The following LDLRAD4 variants were observed in gnomAD, a reference collection of about 807,000 sequenced individuals.
LDLRAD4 encodes the protein low density lipoprotein receptor class A domain containing 4.
A neutral mutation model predicts 17.0 loss-of-function variants in LDLRAD4; 5 were observed. The observed-to-expected ratio is 0.29, with a 90% CI of 0.15 to 0.62. LDLRAD4 has a LOEUF of 0.62. Ranked by LOEUF, LDLRAD4 falls within the 20% of genes least tolerant of loss-of-function variation. LDLRAD4 has a pLI of 0.84. For missense variants in LDLRAD4, 340 were observed against 424.7 expected, an observed-to-expected ratio of 0.80 and a Z score of 1.75; for synonymous variants, 168 against 171.8, an observed-to-expected ratio of 0.98 and a Z score of 0.17.
At chr18:13,223,205 C>T (rs76266457) in intron 1 of LDLRAD4, among the ~76,000 whole-genome samples, 11,016 of 152,072 alleles carry the variant, frequency 0.072, 568 homozygotes, top group East Asian at 0.16. Flanking sequence ...GACTGAGTGG[C>T]GTTAAGGTAG....
chr18:13,513,688 C>T (rs2093818164), intron 3 of LDLRAD4, among the ~76,000 whole-genome samples: 1 of 152,282 alleles, frequency 6.6e-6, no homozygotes, highest in African/African-American at 2.4e-5. Context: ...GGGCCCCAAG[C>T]CTTGGACCTA....
chr18:13,466,906 T>A (rs1308621960), intron 3 of LDLRAD4, among the ~76,000 whole-genome samples: 1 of 152,212 alleles, frequency 6.6e-6, no homozygotes, highest in African/African-American at 2.4e-5. Flanking sequence ...TTATGAGGGC[T>A]CCGCCCTCAT....
At chr18:13,513,434 G>A (rs942474095) in intron 3 of LDLRAD4, among the ~76,000 whole-genome samples, 1 of 152,128 alleles carries the variant, frequency 6.6e-6, no homozygotes, top group Non-Finnish European at 1.5e-5. Flanking sequence ...GACATTTTTT[G>A]GCCATACTTA....
At position 13,266,413 on chromosome 18, in the gene LDLRAD4, C is replaced by T. The variant is rs78703934; in HGVS notation, c.-466-11692C>T. 5.4e-3 allele frequency among the ~76,000 whole-genome samples: 819 copies of T among 152,294 alleles called. 18 individuals are homozygous for T. In the East Asian group the frequency reaches 0.094, roughly 18 times the overall value. Reference sequence around the variant, plus strand: ...GGCCAGATGTGGGCAGGAGCAGTCTCGGGGACAACAGACACAGCCCGCTGA... The same window carrying T: ...GGCCAGATGTGGGCAGGAGCAGTCTTGGGGACAACAGACACAGCCCGCTGA... On this transcript the variant is annotated intron_variant, in intron 1 of 5. Coordinates refer to the LDLRAD4 transcript ENST00000399848.
chr18:13,479,975 G>A (rs1301524935), intron 3 of LDLRAD4, among the ~76,000 whole-genome samples: 3 of 152,214 alleles, frequency 2.0e-5, no homozygotes, highest in Non-Finnish European at 4.4e-5. Flanking sequence ...ATCTATGGCG[G>A]GGGGCAGCCA....
intron 3 of LDLRAD4, among the ~76,000 whole-genome samples, chr18:13,482,321 C>T (rs1003987404): frequency 8.5e-5 from 13 of 152,184 alleles, no homozygotes; most frequent in African/African-American, 2.7e-4. Flanking sequence ...AGGACAGGAG[C>T]GCAGGCAGCT....
intron 1 of LDLRAD4, among the ~76,000 whole-genome samples, chr18:13,349,372 A>T (rs531951867): frequency 3.3e-5 from 5 of 152,218 alleles, no homozygotes; most frequent in Admixed American, 6.5e-5. Flanking sequence ...TCTTTTATGC[A>T]TTTGTCTTTT....
intron 4 of LDLRAD4, among the ~76,000 whole-genome samples, chr18:13,636,800 A>AT (rs531665088): frequency 8.3e-4 from 103 of 124,844 alleles, no homozygotes; most frequent in South Asian, 1.7e-3. Context: ...GCACCCAGCA[A>AT]TTTTTTTTTT....
intron 1 of LDLRAD4, among the ~76,000 whole-genome samples, chr18:13,245,147 CA>C (rs748111726): frequency 5.3e-5 from 8 of 152,182 alleles, no homozygotes; most frequent in Non-Finnish European, 1.0e-4. Flanking sequence ...ACCTCAGGGG[CA>C]ACCATTCCAT....
intron 4 of LDLRAD4, among the ~76,000 whole-genome samples, chr18:13,624,443 C>G (rs2040935354): frequency 6.6e-6 from 1 of 152,266 alleles, no homozygotes; most frequent in Non-Finnish European, 1.5e-5. Flanking sequence ...AAACAGTGGC[C>G]ATGCCCCGCC....
chr18:13,582,827 C>G (rs2094881972), intron 3 of LDLRAD4, among the ~76,000 whole-genome samples: 1 of 152,216 alleles, frequency 6.6e-6, no homozygotes, highest in African/African-American at 2.4e-5. Context: ...AACTTCCTGC[C>G]TCAGCCTCCC....
intron 3 of LDLRAD4, among the ~76,000 whole-genome samples, chr18:13,589,967 G>T (rs1408405133): frequency 6.6e-6 from 1 of 152,220 alleles, no homozygotes; most frequent in Non-Finnish European, 1.5e-5. Flanking sequence ...GTGCGAGTGG[G>T]TGTGCATGTG....
intron 3 of LDLRAD4, among the ~76,000 whole-genome samples, chr18:13,462,538 T>G: frequency 6.6e-6 from 1 of 152,324 alleles, no homozygotes; most frequent in East Asian, 1.9e-4. Flanking sequence ...CACTGTTCAA[T>G]AAGCAGTTGG....
intron 1 of LDLRAD4, among the ~76,000 whole-genome samples, chr18:13,296,972 C>T (rs1042328781): frequency 3.9e-5 from 6 of 152,192 alleles, no homozygotes; most frequent in African/African-American, 1.4e-4. Context: ...GTTCACCTGT[C>T]TGCACCCAGG....
rs190327444 is a variant in LDLRAD4 at position 13,571,797 on chromosome 18, T to C, written c.182-49320T>C. ...GACTACAGGCGCCCGCCACTATGCC[T>C]GGCTAATTTTTTGTGTTTTTAGTAG... On this transcript the variant is annotated intron_variant, in intron 3 of 5. Transcript: ENST00000359446. Among the ~76,000 whole-genome samples, 1,115 of 152,176 alleles carry C rather than the reference T, an allele frequency of 7.3e-3. 37 individuals are homozygous for C. Among genetic ancestry groups the C allele is most frequent in the Admixed American group, 0.061 (928 of 15,290 alleles).
At chr18:13,397,039 A>C (rs1402993191) in intron 2 of LDLRAD4, among the ~76,000 whole-genome samples, 3 of 152,196 alleles carry the variant, frequency 2.0e-5, no homozygotes, top group Non-Finnish European at 4.4e-5. Flanking sequence ...GGGTGTGCCC[A>C]TTTCACACGA....
chr18:13,304,509 G>T (rs540090532), intron 1 of LDLRAD4, among the ~76,000 whole-genome samples: 2 of 152,236 alleles, frequency 1.3e-5, no homozygotes, highest in Non-Finnish European at 2.9e-5. Context: ...GCATGCTGTC[G>T]CAGCACAGGC....
At chr18:13,589,658 AGT>A (rs2094983907) in intron 3 of LDLRAD4, among the ~76,000 whole-genome samples, 1 of 152,080 alleles carries the variant, frequency 6.6e-6, no homozygotes, top group African/African-American at 2.4e-5. Flanking sequence ...CCTTTCCCCC[AGT>A]GTCCCCTTAG....
chr18:13,559,674 A>G (rs2094520054), intron 3 of LDLRAD4, among the ~76,000 whole-genome samples: 1 of 152,200 alleles, frequency 6.6e-6, no homozygotes, highest in East Asian at 1.9e-4. Flanking sequence ...CATGTAAGCT[A>G]TTTGTTATTT....
Sources: allele counts gnomAD v4.1 joint callset (sites outside exome capture counted in the v4.1 genomes callset), GRCh38; gene constraint gnomAD v4.1.1; transcripts MANE v1.5; gene names NCBI Gene and HGNC (gene_info 2026-07-23, HGNC 2026-07-21).